The following SCRN1 variants were observed in gnomAD, a reference collection of about 807,000 sequenced individuals.
SCRN1 encodes secernin 1, also known as secernin-1.
A neutral mutation model predicts 43.3 loss-of-function variants in SCRN1; 19 were observed. The observed-to-expected ratio is 0.44, with a 90% CI of 0.31 to 0.64. The LOEUF is 0.64. Ranked by LOEUF, SCRN1 falls within the 30% of genes least tolerant of loss-of-function variation. SCRN1 has a pLI of 0.09. For missense variants in SCRN1, 447 were observed against 524.1 expected (o/e 0.85, Z 1.44); for synonymous variants, 183 against 188.9 (o/e 0.97, Z 0.26).
At chr7:29,942,460 G>A (rs1212681657) in intron 4 of SCRN1, among the ~76,000 whole-genome samples, 3 of 152,174 alleles carry the variant, frequency 2.0e-5, no homozygotes, top group African/African-American at 7.2e-5. Flanking sequence ...TTGAAACGCA[G>A]TCATAGATCA....
chr7:29,943,894 A>G, intron 4 of SCRN1, 83 bp downstream of exon 4: 1 of 1,288,864 alleles, frequency 7.8e-7, no homozygotes, highest in Admixed American at 1.7e-5. Context: ...TCTTTCTTCC[A>G]GGTCTGACAC....
upstream of SCRN1, chr7:29,990,183 T>A: frequency 6.4e-7 from 1 of 1,551,694 alleles, no homozygotes; most frequent in Non-Finnish European, 8.7e-7. Flanking sequence ...GTCCTGTACC[T>A]TGTTGACTCG....
intron 1 of SCRN1, among the ~76,000 whole-genome samples, chr7:29,971,633 C>CAA (rs397889529): frequency 1.5e-3 from 100 of 68,246 alleles, no homozygotes; most frequent in Admixed American, 4.7e-3. Flanking sequence ...GACCCTGTCT[C>CAA]AAAAAAAAAA....
chr7:29,963,499 T>C (rs1562817565), intron 2 of SCRN1, among the ~76,000 whole-genome samples: 1 of 152,118 alleles, frequency 6.6e-6, no homozygotes, highest in Non-Finnish European at 1.5e-5. Flanking sequence ...AGGCAAGCAG[T>C]TCAGTGTAGC....
In SCRN1 at chr7:29,989,716, G is replaced by T; in HGVS notation, c.-76C>A. On this transcript the variant is annotated 5_prime_UTR_variant, in exon 1 of 8. Transcript: ENST00000242059. ...TGCGGCCGCCGAGGGTGCGGGTGCT[G>T]CCGGGTCCGGATTACTGCGGCGACC... The T allele has an allele frequency of 2.0e-6, 2 of 986,042 alleles. No homozygotes were observed. The highest frequency in any genetic ancestry group is 2.4e-6 in the Non-Finnish European group (2 of 830,488). The allele number at this position is 986,042 out of a possible 1,614,324, so 61.1% of individuals were successfully genotyped here.
At chr7:29,947,784 T>G (rs1787782691) in intron 3 of SCRN1, among the ~76,000 whole-genome samples, 1 of 152,194 alleles carries the variant, frequency 6.6e-6, no homozygotes, top group African/African-American at 2.4e-5. Context: ...TGGGAGGTGA[T>G]GAGGTCATGA....
intron 6 of SCRN1, among the ~76,000 whole-genome samples, chr7:29,930,412 T>C (rs1318800651): frequency 1.3e-5 from 2 of 152,138 alleles, no homozygotes; most frequent in Admixed American, 6.5e-5. Context: ...GAATTCCAAA[T>C]AGATAAGGAG....
intron 7 of SCRN1, among the ~76,000 whole-genome samples, chr7:29,925,423 G>T (rs748877914): frequency 3.3e-5 from 5 of 152,174 alleles, no homozygotes; most frequent in Non-Finnish European, 7.3e-5. Flanking sequence ...TACACAAAAG[G>T]TCCCCCTTTT....
chr7:29,988,273 C>G (rs1243559657), intron 1 of SCRN1, among the ~76,000 whole-genome samples: 1 of 152,176 alleles, frequency 6.6e-6, no homozygotes, highest in Non-Finnish European at 1.5e-5. Flanking sequence ...AAGACATCAG[C>G]AGCCACAGAG....
intron 1 of SCRN1, among the ~76,000 whole-genome samples, chr7:29,987,855 G>A (rs902500354): frequency 2.6e-5 from 4 of 152,104 alleles, no homozygotes; most frequent in African/African-American, 9.7e-5. Context: ...TCGCCCCGCT[G>A]GCCTCAGCCT....
At chr7:29,966,730 G>A (rs931946003) in intron 2 of SCRN1, among the ~76,000 whole-genome samples, 1 of 152,222 alleles carries the variant, frequency 6.6e-6, no homozygotes, top group African/African-American at 2.4e-5. Flanking sequence ...CTCAGTAAGA[G>A]AGGAAAGTGG....
At chr7:29,935,579 G>A (rs1024112233) in intron 6 of SCRN1, among the ~76,000 whole-genome samples, 1 of 152,170 alleles carries the variant, frequency 6.6e-6, no homozygotes, top group African/African-American at 2.4e-5. Context: ...CAGATTCCTA[G>A]GTCCACCTCA....
chr7:29,989,690 C>G lies in SCRN1; in HGVS notation c.-50G>C, dbSNP rs1214200089. Reference sequence around the variant, plus strand: ...CGCTCTCCGCTCTGCGGTGCTGAGGCTGCGGCCGCCGAGGGTGCGGGTGCT... The same window carrying G: ...CGCTCTCCGCTCTGCGGTGCTGAGGGTGCGGCCGCCGAGGGTGCGGGTGCT... On this transcript the variant is annotated 5_prime_UTR_variant, in exon 1 of 8. Coordinates refer to ENST00000242059, the MANE Select transcript of SCRN1 (RefSeq NM_014766.5). 3.0e-6 allele frequency: 3 copies of G among 985,634 alleles called. No homozygotes were observed. Among genetic ancestry groups the G allele is most frequent in the African/African-American group, 1.7e-5 (1 of 57,258 alleles). 61.1% of individuals were successfully genotyped at this position (985,634 alleles called of 1,614,324 possible). A position where few individuals can be genotyped will look rare whatever the true frequency, so the allele number is the denominator to read the frequency against.
At chr7:29,940,930 C>T (rs1787523691) in intron 4 of SCRN1, 54 bp from the exon 5 acceptor site, 8 of 1,375,708 alleles carry the variant, frequency 5.8e-6, no homozygotes, top group Non-Finnish European at 7.6e-6. Flanking sequence ...AAGACTTAAT[C>T]AACAAATGGA....
chr7:29,924,060 T>G lies in SCRN1; in HGVS notation c.1142A>C (p.Glu381Ala). The change falls in exon 8 of 8, where the codon GAA becomes GCA. Residue 381 changes from glutamate to alanine, a missense_variant. Physicochemically the swap from Glu to Ala is moderately radical, Grantham distance 107. Transcript: ENST00000242059. Reference sequence around the variant, plus strand: ...GCTGGTCAGGATTTCTTCCATGGCTTCCAGGCCTTGCTTCTCCAGCTCCAG... The same window carrying G: ...GCTGGTCAGGATTTCTTCCATGGCTGCCAGGCCTTGCTTCTCCAGCTCCAG... ...TMLELEKQGL[E>A]AMEEILTSSE... 1.2e-6 allele frequency: 2 copies of G among 1,614,156 alleles called. No individual in the cohort carries two copies. The highest frequency in any genetic ancestry group is 1.7e-6 in the Non-Finnish European group (2 of 1,180,016).
At chr7:29,980,669 G>T (rs1788968031) in intron 1 of SCRN1, among the ~76,000 whole-genome samples, 1 of 151,960 alleles carries the variant, frequency 6.6e-6, no homozygotes, top group Non-Finnish European at 1.5e-5. Context: ...AAAAACAAAG[G>T]GTTACTTTAT....
intron 5 of SCRN1, among the ~76,000 whole-genome samples, chr7:29,939,530 A>C (rs1402622433): frequency 6.6e-6 from 1 of 152,186 alleles, no homozygotes; most frequent in African/African-American, 2.4e-5. Flanking sequence ...TTTTAGGTTT[A>C]TGGGCCATAG....
chr7:29,936,771 G>A, intron 5 of SCRN1, 50 bp from the exon 6 acceptor site: 2 of 1,424,644 alleles, frequency 1.4e-6, no homozygotes, highest in Non-Finnish European at 1.9e-6. Flanking sequence ...TATAGGCCGG[G>A]CGCGGTGGCT....
At chr7:29,963,109 A>C (rs1375651259) in intron 2 of SCRN1, among the ~76,000 whole-genome samples, 3 of 152,104 alleles carry the variant, frequency 2.0e-5, no homozygotes, top group Non-Finnish European at 4.4e-5. Context: ...GCTTTCATGC[A>C]TCAGCTCACG....
Sources: gnomAD v4.1 joint callset for allele counts (sites outside exome capture counted in the v4.1 genomes callset) on GRCh38, gnomAD v4.1.1 for gene constraint, MANE v1.5 for transcripts, NCBI Gene and HGNC (gene_info 2026-07-23, HGNC 2026-07-21) for gene names.